Variants in COX7B2 observed in about 807,000 individuals in gnomAD.
COX7B2 encodes cytochrome c oxidase subunit 7B2, mitochondrial.
For missense variants in COX7B2, 109 were observed against 95.9 expected (o/e 1.14, Z -0.57); for synonymous variants, 37 against 32.1 (o/e 1.15, Z -0.51).
chr4:46,877,314 C>A (rs1718405984), intron 1 of COX7B2, among the ~76,000 whole-genome samples: 1 of 152,126 alleles, frequency 6.6e-6, no homozygotes, highest in Non-Finnish European at 1.5e-5. Context: ...CGTCCAAAAC[C>A]AAGGCTTTCT....
chr4:46,900,801 C>T (rs964138682), intron 1 of COX7B2, among the ~76,000 whole-genome samples: 1 of 152,132 alleles, frequency 6.6e-6, no homozygotes, highest in Admixed American at 6.5e-5. Context: ...GTGCCCTCAC[C>T]AGACACCAAA....
At position 46,855,667 on chromosome 4, in the gene COX7B2, T is replaced by C. The variant is rs149581628; in HGVS notation, c.-104-10653A>G. ...GCATGTAAATAACAAGACCCAAATT[T>C]GTTGAACTCATATAATGAAGAGATA... On this transcript the variant is annotated intron_variant, in intron 1 of 2. Coordinates refer to ENST00000355591, the MANE Select transcript of COX7B2 (RefSeq NM_130902.3). Among the ~76,000 whole-genome samples the C allele has an allele frequency of 7.8e-3, 1,184 of 152,218 alleles. 19 individuals are homozygous for C. The highest frequency in any genetic ancestry group is 0.027 in the African/African-American group (1,139 of 41,552).
At chr4:46,878,406 T>TA (rs546061723) in intron 1 of COX7B2, among the ~76,000 whole-genome samples, 5,982 of 148,830 alleles carry the variant, frequency 0.04, 138 homozygotes, top group Middle Eastern at 0.13. Flanking sequence ...GCTCTTACCA[T>TA]AAAAAAAAAG....
chr4:46,889,758 G>A (rs943399083), intron 1 of COX7B2, among the ~76,000 whole-genome samples: 7 of 152,062 alleles, frequency 4.6e-5, no homozygotes, highest in African/African-American at 1.7e-4. Flanking sequence ...CAGGAACAAA[G>A]GTGCTCAGTA....
At chr4:46,743,886 T>A (rs187436860) in intron 2 of COX7B2, among the ~76,000 whole-genome samples, 265 of 152,322 alleles carry the variant, frequency 1.7e-3, no homozygotes, top group African/African-American at 5.9e-3. Context: ...AAAGGCTTAA[T>A]GGATCCAGGA....
intron 2 of COX7B2, among the ~76,000 whole-genome samples, chr4:46,838,139 A>T (rs1447920949): frequency 6.6e-6 from 1 of 152,026 alleles, no homozygotes; most frequent in Non-Finnish European, 1.5e-5. Context: ...ATTCTTTATC[A>T]GCATCAAATT....
intron 1 of COX7B2, among the ~76,000 whole-genome samples, chr4:46,879,218 TC>T (rs1718549320): frequency 6.6e-6 from 1 of 152,114 alleles, no homozygotes; most frequent in African/African-American, 2.4e-5. Context: ...GACCTTGAAC[TC>T]CTGGGCTCAA....
chr4:46,817,997 A>C (rs1026698470), intron 2 of COX7B2, among the ~76,000 whole-genome samples: 2 of 152,190 alleles, frequency 1.3e-5, no homozygotes, highest in African/African-American at 4.8e-5. Context: ...AAAATTGCAA[A>C]ATAGAGATTT....
At chr4:46,763,087 T>A (rs1342356631) in intron 2 of COX7B2, among the ~76,000 whole-genome samples, 2 of 127,366 alleles carry the variant, frequency 1.6e-5, no homozygotes, top group South Asian at 2.6e-4. Context: ...ATATTACATA[T>A]TATAATATAT....
intron 2 of COX7B2, among the ~76,000 whole-genome samples, chr4:46,794,655 AG>A (rs2109597683): frequency 6.6e-6 from 1 of 152,282 alleles, no homozygotes; most frequent in South Asian, 2.1e-4. Flanking sequence ...ATTAGATCCT[AG>A]GGTGACAGGG....
chr4:46,776,728 A>G (rs1371375729), intron 2 of COX7B2, among the ~76,000 whole-genome samples: 1 of 152,108 alleles, frequency 6.6e-6, no homozygotes, highest in Non-Finnish European at 1.5e-5. Flanking sequence ...GAACAATAAG[A>G]TAAACCCTTG....
chr4:46,847,700 A>G (rs1010127590), intron 1 of COX7B2, among the ~76,000 whole-genome samples: 5 of 152,090 alleles, frequency 3.3e-5, no homozygotes, highest in African/African-American at 9.7e-5. Context: ...AGCGCCAATA[A>G]AAAGACCAAG....
At chr4:46,816,687 A>C (rs1719571173) in intron 2 of COX7B2, among the ~76,000 whole-genome samples, 1 of 152,196 alleles carries the variant, frequency 6.6e-6, no homozygotes, top group South Asian at 2.1e-4. Flanking sequence ...GCAGAAAAAC[A>C]ATCTGCTGCA....
intron 2 of COX7B2, among the ~76,000 whole-genome samples, chr4:46,747,010 G>A (rs1470042196): frequency 1.3e-5 from 2 of 152,148 alleles, no homozygotes; most frequent in African/African-American, 4.8e-5. Flanking sequence ...TGATCAGGCT[G>A]CTATGTCACC....
chr4:46,851,219 G>A (rs915986793), intron 1 of COX7B2, among the ~76,000 whole-genome samples: 1 of 152,004 alleles, frequency 6.6e-6, no homozygotes, highest in African/African-American at 2.4e-5. Flanking sequence ...ACTTGAGCAA[G>A]TATTATTTGA....
At chr4:46,903,236 T>C (rs1358528842) in intron 1 of COX7B2, among the ~76,000 whole-genome samples, 4 of 152,182 alleles carry the variant, frequency 2.6e-5, no homozygotes, top group Non-Finnish European at 5.9e-5. Context: ...CTTGAAAATG[T>C]TCAAATCAGA....
At chr4:46,880,358 C>T (rs1243566357) in intron 1 of COX7B2, among the ~76,000 whole-genome samples, 1 of 143,482 alleles carries the variant, frequency 7.0e-6, no homozygotes. Flanking sequence ...GGTACCAACT[C>T]TTCTTTCTAT....
chr4:46,897,004 C>T (rs1179138538), intron 1 of COX7B2, among the ~76,000 whole-genome samples: 1 of 152,080 alleles, frequency 6.6e-6, no homozygotes, highest in African/African-American at 2.4e-5. Context: ...TTTGAACTTA[C>T]AAAACAAGAT....
chr4:46,898,510 T>C (rs1719903800), intron 1 of COX7B2, among the ~76,000 whole-genome samples: 2 of 152,134 alleles, frequency 1.3e-5, no homozygotes, highest in African/African-American at 4.8e-5. Context: ...CTCATTCTCT[T>C]GGGCTCAAGC....
Sources: allele counts gnomAD v4.1 joint callset (sites outside exome capture counted in the v4.1 genomes callset), GRCh38; gene constraint gnomAD v4.1.1; transcripts MANE v1.5; gene names NCBI Gene and HGNC (gene_info 2026-07-23, HGNC 2026-07-21).